Variants in UTRN observed in about 807,000 individuals in gnomAD.
The protein encoded by UTRN is dystrophin-related protein 1.
A neutral mutation model predicts 463.9 loss-of-function variants in UTRN; 283 were observed. That is an observed-to-expected ratio of 0.61 (90% CI 0.55 to 0.67). The LOEUF (loss-of-function observed/expected upper bound fraction) is 0.67, where lower values mean the gene tolerates loss of function less well. Among genes scored for constraint, UTRN ranks in the 30% least tolerant of loss-of-function variants. UTRN has a pLI of 0.00. For missense variants in UTRN, 3,922 were observed against 4,084.3 expected, an observed-to-expected ratio of 0.96 and a Z score of 1.08; for synonymous variants, 1,442 against 1,431.5, an observed-to-expected ratio of 1.01 and a Z score of -0.17.
chr6:144,338,961 C>T (rs1280242446), intron 2 of UTRN, among the ~76,000 whole-genome samples: 1 of 152,142 alleles, frequency 6.6e-6, no homozygotes, highest in Non-Finnish European at 1.5e-5. Context: ...CCTTCATAAA[C>T]ATATGTATTT....
chr6:144,647,208 A>C (rs1299481124), intron 51 of UTRN, among the ~76,000 whole-genome samples: 1 of 152,168 alleles, frequency 6.6e-6, no homozygotes, highest in Non-Finnish European at 1.5e-5. Context: ...GTTTCGAGTG[A>C]ACTGATATAT....
At chr6:144,402,154 T>C (rs148340965) in intron 2 of UTRN, among the ~76,000 whole-genome samples, 1 of 152,360 alleles carries the variant, frequency 6.6e-6, no homozygotes, top group African/African-American at 2.4e-5. Context: ...TCTACCTTGC[T>C]TACACTTTTA....
At chr6:144,515,045 G>C (rs566833132) in intron 37 of UTRN, among the ~76,000 whole-genome samples, 1 of 152,190 alleles carries the variant, frequency 6.6e-6, no homozygotes, top group East Asian at 1.9e-4. Context: ...GGGATTTCCG[G>C]CAACTGCCAC....
At chr6:144,307,908 A>C (rs1805892686) in intron 2 of UTRN, among the ~76,000 whole-genome samples, 1 of 151,914 alleles carries the variant, frequency 6.6e-6, no homozygotes. Context: ...ACATCAAAAG[A>C]AATTTCTTTG....
intron 51 of UTRN, among the ~76,000 whole-genome samples, chr6:144,656,833 G>A (rs559003831): frequency 8.8e-4 from 134 of 152,294 alleles, no homozygotes; most frequent in Non-Finnish European, 1.7e-3. Flanking sequence ...TTTAGTGAGA[G>A]TATAGTTACC....
At chr6:144,696,091 T>C (rs1044168741) in intron 52 of UTRN, among the ~76,000 whole-genome samples, 4 of 152,196 alleles carry the variant, frequency 2.6e-5, no homozygotes, top group Admixed American at 2.6e-4. Flanking sequence ...GTAGAGAAGA[T>C]TAACCTTTAA....
chr6:144,832,859 G>T (rs992379793), intron 69 of UTRN, among the ~76,000 whole-genome samples: 1 of 151,766 alleles, frequency 6.6e-6, no homozygotes, highest in Non-Finnish European at 1.5e-5. Context: ...TCACTCTGTC[G>T]CCCAGGCTGG....
At chr6:144,676,286 C>T (rs1233905619) in intron 51 of UTRN, among the ~76,000 whole-genome samples, 1 of 151,914 alleles carries the variant, frequency 6.6e-6, no homozygotes, top group East Asian at 1.9e-4. Context: ...ATTTACATGC[C>T]AAATATATGT....
rs1782535719 is a variant in UTRN at position 144,852,435 on chromosome 6, C to A, written c.*1438C>A. 1 of 152,428 alleles carries A rather than the reference C, an allele frequency of 6.6e-6. No homozygotes were observed. The highest frequency in any genetic ancestry group is 2.4e-5 in the African/African-American group (1 of 41,420). 9.4% of individuals were successfully genotyped at this position (152,428 alleles called of 1,614,324 possible). ...CATAAAGACATTTTAACTTTGGGTT[C>A]TCTTTAGCTGGGATCTGGCCAGAAG... On this transcript the variant is annotated 3_prime_UTR_variant, in exon 75 of 75. Transcript: ENST00000367545.
chr6:144,470,069 C>T (rs1017844884), intron 23 of UTRN, among the ~76,000 whole-genome samples: 2 of 152,206 alleles, frequency 1.3e-5, no homozygotes, highest in Non-Finnish European at 2.9e-5. Flanking sequence ...TTTCTTAGTA[C>T]AGAACAAAAT....
At chr6:144,764,467 A>G (rs1793045917) in intron 58 of UTRN, among the ~76,000 whole-genome samples, 1 of 152,170 alleles carries the variant, frequency 6.6e-6, no homozygotes, top group Non-Finnish European at 1.5e-5. Context: ...GGAATCTTCT[A>G]GATTACCCAA....
intron 3 of UTRN, among the ~76,000 whole-genome samples, chr6:144,408,580 CA>C: frequency 6.6e-6 from 1 of 152,332 alleles, no homozygotes; most frequent in East Asian, 1.9e-4. Flanking sequence ...TTTTCTAAGA[CA>C]CAGATGAGCC....
intron 46 of UTRN, among the ~76,000 whole-genome samples, chr6:144,543,672 G>A (rs186029540): frequency 4.0e-5 from 6 of 150,866 alleles, no homozygotes; most frequent in Admixed American, 1.3e-4. Context: ...CTCTTCTCTC[G>A]TCCTCCACCT....
intron 51 of UTRN, among the ~76,000 whole-genome samples, chr6:144,661,851 T>G (rs1230311636): frequency 6.6e-6 from 1 of 152,124 alleles, no homozygotes; most frequent in East Asian, 1.9e-4. Context: ...ATTGGCAGAG[T>G]TAGAAGTTCT....
intron 2 of UTRN, among the ~76,000 whole-genome samples, chr6:144,397,179 G>A (rs1782513066): frequency 6.6e-6 from 1 of 152,108 alleles, no homozygotes; most frequent in South Asian, 2.1e-4. Context: ...GGGAGGCAGA[G>A]GTTGCAGTGA....
chr6:144,641,200 A>G (rs1176449867), intron 51 of UTRN, among the ~76,000 whole-genome samples: 1 of 152,168 alleles, frequency 6.6e-6, no homozygotes, highest in Non-Finnish European at 1.5e-5. Context: ...CATTTTAGGG[A>G]GACATAATAC....
intron 2 of UTRN, among the ~76,000 whole-genome samples, chr6:144,374,187 G>A (rs959516882): frequency 6.6e-6 from 1 of 151,994 alleles, no homozygotes; most frequent in Non-Finnish European, 1.5e-5. Flanking sequence ...TTTTATTTTT[G>A]GTTGAATAAT....
chr6:144,490,266 G>A lies in UTRN; in HGVS notation c.4263+67G>A, dbSNP rs1792929017. On this transcript the variant is annotated intron_variant, in intron 31 of 74. Coordinates refer to ENST00000367545, the MANE Select transcript of UTRN (RefSeq NM_007124.3). ...GGGAATTTTCTTCAAAAAAGAGAAA[G>A]AATTGATTACTTGGGCACCGTTTGT... 5.8e-6 allele frequency: 9 copies of A among 1,554,684 alleles called. No individual in the cohort carries two copies. The Admixed American group carries it at 1.9e-4, about 33-fold the overall frequency.
At chr6:144,844,356 C>T (rs1562977460) in intron 73 of UTRN, among the ~76,000 whole-genome samples, 1 of 151,870 alleles carries the variant, frequency 6.6e-6, no homozygotes, top group African/African-American at 2.4e-5. Flanking sequence ...ATAACCTCCA[C>T]CTCCCAGGCT....
Sources: allele counts gnomAD v4.1 joint callset (sites outside exome capture counted in the v4.1 genomes callset), GRCh38; gene constraint gnomAD v4.1.1; transcripts MANE v1.5; gene names NCBI Gene and HGNC (gene_info 2026-07-23, HGNC 2026-07-21).